Variants in MGAT4C observed in about 807,000 individuals in gnomAD.
MGAT4C encodes alpha-1,3-mannosyl-glycoprotein 4-beta-N-acetylglucosaminyltransferase C.
A neutral mutation model predicts 40.1 loss-of-function variants in MGAT4C; 19 were observed. The ratio of observed to expected loss-of-function variants is 0.47; its 90% CI spans 0.33 to 0.70. The LOEUF (loss-of-function observed/expected upper bound fraction) is 0.70, where lower values mean the gene tolerates loss of function less well. MGAT4C is among the 30% of genes least tolerant of loss of function. MGAT4C has a pLI of 0.02. For synonymous variants in MGAT4C, 181 were observed against 187.1 expected (o/e 0.97, Z 0.27); for missense variants, 491 against 563.2 (o/e 0.87, Z 1.30).
At chr12:85,999,583 G>GTGTATATATATATATA (rs1226916126) in intron 2 of MGAT4C, among the ~76,000 whole-genome samples, 6 of 122,962 alleles carry the variant, frequency 4.9e-5, no homozygotes, top group African/African-American at 1.8e-4. Context: ...GTGTGTGTGT[G>GTGTATATATATATATA]TATATATATA....
At chr12:86,211,406 CAAAAAAAAAAAAA>C (rs58874795) in intron 1 of MGAT4C, among the ~76,000 whole-genome samples, 9 of 35,514 alleles carry the variant, frequency 2.5e-4, no homozygotes, top group African/African-American at 8.2e-4. Context: ...ACTACAAATA[CAAAAAAAAAAAAA>C]AAAAAAAAAA....
intron 1 of MGAT4C, among the ~76,000 whole-genome samples, chr12:86,120,564 C>A (rs554550984): frequency 6.6e-6 from 1 of 152,296 alleles, no homozygotes; most frequent in South Asian, 2.1e-4. Context: ...AATCAGGCAG[C>A]AACATTTGCC....
At chr12:86,023,131 A>G (rs1412402633) in intron 2 of MGAT4C, among the ~76,000 whole-genome samples, 1 of 152,164 alleles carries the variant, frequency 6.6e-6, no homozygotes, top group East Asian at 1.9e-4. Flanking sequence ...CCAGACTTCT[A>G]TTCTGTAATA....
At chr12:86,593,268 T>A (rs1288508271) in intron 2 of MGAT4C, among the ~76,000 whole-genome samples, 2 of 151,570 alleles carry the variant, frequency 1.3e-5, no homozygotes, top group East Asian at 3.9e-4. Flanking sequence ...TTTAAGTATT[T>A]TTTTTTTGGT....
intron 1 of MGAT4C, among the ~76,000 whole-genome samples, chr12:86,183,526 A>G (rs1014367818): frequency 6.6e-6 from 1 of 152,236 alleles, no homozygotes; most frequent in Non-Finnish European, 1.5e-5. Flanking sequence ...AGAAATAGCA[A>G]TTAGTTTGAT....
At position 85,989,433 on chromosome 12, in the gene MGAT4C, A is replaced by G. The variant is rs1316873352; in HGVS notation, c.114T>C (p.Phe38=). 6.2e-7 allele frequency: 1 copy of G among 1,607,746 alleles called. No homozygotes were observed. The highest frequency in any genetic ancestry group is 8.5e-7 in the Non-Finnish European group (1 of 1,177,084). Residue 38 remains phenylalanine, a synonymous_variant, in exon 3 of 5, where the codon TTT becomes TTC. Transcript: ENST00000611864. ...FLGVLVIFLL[F]MNLYIEDSYV... ...AGCTATCTTCAATGTACAAGTTCATAAAAAGGAGAAAAATGACAAGAACTC... is the reference window on the plus strand; with the variant it reads ...AGCTATCTTCAATGTACAAGTTCATGAAAAGGAGAAAAATGACAAGAACTC...
intron 2 of MGAT4C, among the ~76,000 whole-genome samples, chr12:86,009,750 A>AT (rs1382180602): frequency 2.6e-5 from 4 of 152,114 alleles, no homozygotes; most frequent in South Asian, 2.1e-4. Context: ...TGGTTATAAG[A>AT]TTTTTTGCCT....
At chr12:86,566,810 A>G (rs534710229) in intron 2 of MGAT4C, among the ~76,000 whole-genome samples, 97 of 149,784 alleles carry the variant, frequency 6.5e-4, no homozygotes, top group Non-Finnish European at 1.1e-3. Flanking sequence ...AGAGAACCCT[A>G]ACTAATACAC....
At chr12:86,260,098 TCTG>T (rs769091850), upstream of MGAT4C, among the ~76,000 whole-genome samples, 4 of 152,092 alleles carry the variant, frequency 2.6e-5, no homozygotes, top group Non-Finnish European at 5.9e-5. Context: ...TAAAATTAAA[TCTG>T]CTCAAAAAAT....
intron 2 of MGAT4C, among the ~76,000 whole-genome samples, chr12:86,549,901 G>C (rs1407997849): frequency 6.6e-6 from 1 of 152,156 alleles, no homozygotes; most frequent in African/African-American, 2.4e-5. Flanking sequence ...TGTGGGGAAA[G>C]AGAAGCAGAC....
chr12:86,292,651 C>T (rs1953552555), intron 4 of MGAT4C, among the ~76,000 whole-genome samples: 1 of 152,060 alleles, frequency 6.6e-6, no homozygotes, highest in Non-Finnish European at 1.5e-5. Context: ...GTTTACATCA[C>T]CCATATTGCG....
chr12:86,232,395 C>T (rs1354149975), intron 1 of MGAT4C, among the ~76,000 whole-genome samples: 1 of 152,116 alleles, frequency 6.6e-6, no homozygotes, highest in Admixed American at 6.6e-5. Flanking sequence ...TTACCAACTA[C>T]TTCAAATGTG....
At chr12:86,394,616 T>TTATATATATATATATATATACTTTA (rs71076194) in intron 3 of MGAT4C, among the ~76,000 whole-genome samples, 10 of 135,472 alleles carry the variant, frequency 7.4e-5, no homozygotes, top group Non-Finnish European at 1.2e-4. Flanking sequence ...TATATATACT[T>TTATATATATATATATATATACTTTA]TATATATATA....
At chr12:86,791,387 A>G (rs1440857959) in intron 1 of MGAT4C, among the ~76,000 whole-genome samples, 3 of 152,076 alleles carry the variant, frequency 2.0e-5, no homozygotes, top group Non-Finnish European at 4.4e-5. Context: ...ATTTACACGG[A>G]AGAAAAAAAA....
intron 2 of MGAT4C, among the ~76,000 whole-genome samples, chr12:86,625,388 G>T (rs1040492015): frequency 1.3e-5 from 2 of 152,086 alleles, no homozygotes; most frequent in African/African-American, 2.4e-5. Context: ...ACAATATTGT[G>T]CACATTGGAA....
chr12:86,153,892 T>TC (rs2135777643), intron 1 of MGAT4C, among the ~76,000 whole-genome samples: 1 of 152,270 alleles, frequency 6.6e-6, no homozygotes, highest in East Asian at 1.9e-4. Flanking sequence ...ACTAATACAC[T>TC]CCCCATGCTC....
chr12:85,997,164 G>C (rs1240702014), intron 2 of MGAT4C, among the ~76,000 whole-genome samples: 1 of 152,236 alleles, frequency 6.6e-6, no homozygotes, highest in Non-Finnish European at 1.5e-5. Context: ...CAGGCAAAGA[G>C]AGAGATTTTG....
At chr12:86,030,407 T>C (rs1890635129) in intron 2 of MGAT4C, among the ~76,000 whole-genome samples, 1 of 151,742 alleles carries the variant, frequency 6.6e-6, no homozygotes, top group Non-Finnish European at 1.5e-5. Context: ...GGCTTAATGT[T>C]AGTGAGTATG....
intron 2 of MGAT4C, among the ~76,000 whole-genome samples, chr12:86,529,103 T>C (rs1396506905): frequency 6.6e-6 from 1 of 152,092 alleles, no homozygotes; most frequent in Non-Finnish European, 1.5e-5. Flanking sequence ...GTTTTCCTTT[T>C]CCTTTCTTTG....
Sources: allele counts gnomAD v4.1 joint callset (sites outside exome capture counted in the v4.1 genomes callset), GRCh38; gene constraint gnomAD v4.1.1; transcripts MANE v1.5; gene names NCBI Gene and HGNC (gene_info 2026-07-23, HGNC 2026-07-21).